SH3PXD2A: variants seen among roughly 807,000 people sequenced by gnomAD.
SH3PXD2A encodes SH3 and PX domain-containing protein 2A.
SH3PXD2A carries 32 observed loss-of-function variants against 115.2 expected under a neutral mutation model. The ratio of observed to expected loss-of-function variants is 0.28; its 90% CI spans 0.21 to 0.37. The LOEUF is 0.37. Ranked by LOEUF, SH3PXD2A falls within the 10% of genes least tolerant of loss-of-function variation. SH3PXD2A has a pLI of 1.00. For missense variants in SH3PXD2A, 1,328 were observed against 1,498.7 expected (o/e 0.89, Z 1.88); for synonymous variants, 610 against 629.1 (o/e 0.97, Z 0.45).
rs1453041317 is a variant in SH3PXD2A, at chr10:103,756,240, C to T, written c.229+10854G>A. Among the ~76,000 whole-genome samples the T allele has an allele frequency of 6.6e-6, 1 of 152,130 alleles. No individual in the cohort carries two copies. The highest frequency in any genetic ancestry group is 1.5e-5 in the Non-Finnish European group (1 of 68,018). ...GATACATCAGTTCACACAGGTGATG[C>T]CTAGAGCCAGCTCAGTCCCTGCCAG... is the stretch of plus-strand genomic sequence containing the variant. On this transcript the variant is annotated intron_variant, in intron 3 of 14. Coordinates refer to ENST00000369774, the MANE Select transcript of SH3PXD2A (RefSeq NM_001394015.1). The surrounding 1 kb of genome is among the most constrained non-coding windows in gnomAD (Gnocchi z 4.4).
Position 103,605,804 on chromosome 10 carries a change from C to T in SH3PXD2A, c.1422G>A (p.Lys474=), listed in dbSNP as rs1420755301. Residue 474 remains lysine (K), a synonymous_variant, in exon 14 of 15, where the codon AAG becomes AAA. Coordinates refer to ENST00000369774, the MANE Select transcript of SH3PXD2A (RefSeq NM_001394015.1). ...SDGISFRGGQ[K]AEVIDKNSGG... ...CTCATGGCCCAAGGCTTACCTCTGC[C>T]TTCTGTCCACCCCGAAAGCTGATGC... is the stretch of plus-strand genomic sequence containing the variant. The T allele has an allele frequency of 6.2e-7, 1 of 1,614,160 alleles. No homozygotes were observed. The highest frequency in any genetic ancestry group is 8.5e-7 in the Non-Finnish European group (1 of 1,179,974).
At chr10:103,688,892 G>A (rs1019590139) in intron 6 of SH3PXD2A, among the ~76,000 whole-genome samples, 2 of 151,810 alleles carry the variant, frequency 1.3e-5, no homozygotes, top group Non-Finnish European at 2.9e-5. Flanking sequence ...TTAGAGATAG[G>A]GTCTCTCTCT....
chr10:103,606,683 G>C (rs11191744), intron 13 of SH3PXD2A, among the ~76,000 whole-genome samples: 1 of 152,108 alleles, frequency 6.6e-6, no homozygotes, highest in East Asian at 1.9e-4. Flanking sequence ...TTTTGGTGGA[G>C]ACGGGGTTTC....
rs892664857 is a variant in SH3PXD2A at position 103,601,708 on chromosome 10, C to T, written c.*108G>A. The T allele has an allele frequency of 3.5e-5, 6 of 173,326 alleles. No homozygotes were observed. Among genetic ancestry groups the T allele is most frequent in the Non-Finnish European group, 7.1e-5 (6 of 84,160 alleles). 10.7% of individuals were successfully genotyped at this position (173,326 alleles called of 1,614,324 possible). Reference sequence around the variant, plus strand: ...ATTCTGCAGTGTTGAATGTTGTCCACCCCCCACCCCCCACCCCCATTTTTT... The same window carrying T: ...ATTCTGCAGTGTTGAATGTTGTCCATCCCCCACCCCCCACCCCCATTTTTT... On this transcript the variant is annotated 3_prime_UTR_variant, in exon 15 of 15. Transcript: ENST00000369774.
At chr10:103,785,884 C>G (rs1052882512) in intron 2 of SH3PXD2A, among the ~76,000 whole-genome samples, 1 of 151,284 alleles carries the variant, frequency 6.6e-6, no homozygotes, top group Non-Finnish European at 1.5e-5. Flanking sequence ...AGAATCAGGG[C>G]GAGAGAAAAA....
intron 2 of SH3PXD2A, among the ~76,000 whole-genome samples, chr10:103,793,140 T>G (rs2039051753): frequency 6.6e-6 from 1 of 152,234 alleles, no homozygotes; most frequent in Non-Finnish European, 1.5e-5. Context: ...TATGAATGCA[T>G]TCTCCTTTTC....
At chr10:103,739,212 C>T (rs2038415868) in intron 3 of SH3PXD2A, among the ~76,000 whole-genome samples, 1 of 152,204 alleles carries the variant, frequency 6.6e-6, no homozygotes, top group African/African-American at 2.4e-5. Context: ...CAGGACCCCG[C>T]CCTGCCCTCC....
chr10:103,785,689 C>A (rs2038973938), intron 2 of SH3PXD2A, among the ~76,000 whole-genome samples: 1 of 152,096 alleles, frequency 6.6e-6, no homozygotes, highest in South Asian at 2.1e-4. Context: ...GCTGCCTCCC[C>A]ATCCCCACAG....
chr10:103,622,458 T>C lies in SH3PXD2A; in HGVS notation c.802+12A>G. The C allele has an allele frequency of 6.5e-7, 1 of 1,537,222 alleles. No homozygotes were observed. Among genetic ancestry groups the C allele is most frequent in the Non-Finnish European group, 8.8e-7 (1 of 1,135,494 alleles). On this transcript the variant is annotated intron_variant, in intron 10 of 14. Transcript: ENST00000369774. Reference sequence around the variant, plus strand: ...TCGCTGCGAGGGAGGAGAAGCCAGCTCCCGCAGTCACCTCGGCTGTGCTGC... The same window carrying C: ...TCGCTGCGAGGGAGGAGAAGCCAGCCCCCGCAGTCACCTCGGCTGTGCTGC...
chr10:103,690,442 A>G (rs890797558), intron 6 of SH3PXD2A, among the ~76,000 whole-genome samples: 2 of 152,146 alleles, frequency 1.3e-5, no homozygotes, highest in African/African-American at 4.8e-5. Flanking sequence ...TGAGAGTCCA[A>G]AATGTGATGG....
chr10:103,604,829 C>T (rs1416017359), intron 14 of SH3PXD2A, among the ~76,000 whole-genome samples: 1 of 152,214 alleles, frequency 6.6e-6, no homozygotes, highest in East Asian at 1.9e-4. Context: ...ATGCTCTTTA[C>T]AGACTCTCCT....
chr10:103,851,711 G>A (rs1342043774), intron 1 of SH3PXD2A, among the ~76,000 whole-genome samples: 3 of 152,164 alleles, frequency 2.0e-5, no homozygotes, highest in African/African-American at 7.2e-5. Flanking sequence ...ACGAAAACAC[G>A]AGTGTTAAGT....
At chr10:103,678,155 T>C (rs2037564120) in intron 6 of SH3PXD2A, 1 of 1,288,978 alleles carries the variant, frequency 7.8e-7, no homozygotes, top group African/African-American at 1.5e-5. Context: ...CCCGTTCATG[T>C]GTAATGTCTG....
In SH3PXD2A at chr10:103,709,790, G is replaced by A. The variant is rs547633796; in HGVS notation, c.398+14480C>T. On this transcript the variant is annotated intron_variant, in intron 5 of 14. Transcript: ENST00000369774. Reference sequence around the variant, plus strand: ...ACAACTATACCCACTTCATAGGATGGATGCAAAAATTAGAGAATTAAAACA... The same window carrying A: ...ACAACTATACCCACTTCATAGGATGAATGCAAAAATTAGAGAATTAAAACA... Among the ~76,000 whole-genome samples the A allele has an allele frequency of 9.6e-4, 146 of 152,312 alleles. 1 individual carries two copies. Among genetic ancestry groups the A allele is most frequent in the African/African-American group, 3.3e-3 (139 of 41,572 alleles).
chr10:103,711,714 G>A (rs753469573), intron 5 of SH3PXD2A, among the ~76,000 whole-genome samples: 22 of 152,302 alleles, frequency 1.4e-4, no homozygotes, highest in African/African-American at 5.3e-4. Context: ...GCAGAGGGAA[G>A]GGATACCAAC....
At chr10:103,745,753 C>T (rs1336293891) in intron 3 of SH3PXD2A, among the ~76,000 whole-genome samples, 1 of 152,208 alleles carries the variant, frequency 6.6e-6, no homozygotes, top group Non-Finnish European at 1.5e-5. Flanking sequence ...CTGCGGCTGC[C>T]CTTCCTGATT....
At chr10:103,780,065 G>A (rs993880069) in intron 2 of SH3PXD2A, among the ~76,000 whole-genome samples, 2 of 152,190 alleles carry the variant, frequency 1.3e-5, no homozygotes, top group Non-Finnish European at 2.9e-5. Flanking sequence ...TACCCCAAGT[G>A]CCCTGGCCAC....
At position 103,791,429 on chromosome 10, in the gene SH3PXD2A, C is replaced by A. The variant is rs979236694; in HGVS notation, c.153+9853G>T. 1.3e-5 allele frequency among the ~76,000 whole-genome samples: 2 copies of A among 152,222 alleles called. 1 individual carries two copies. The highest frequency in any genetic ancestry group is 2.9e-5 in the Non-Finnish European group (2 of 68,046). Reference sequence around the variant, plus strand: ...TGTATAGGAAAGGTGTGATTTCCCACACAGACCCACAGCACGGTGCATATC... The same window carrying A: ...TGTATAGGAAAGGTGTGATTTCCCAAACAGACCCACAGCACGGTGCATATC... On this transcript the variant is annotated intron_variant, in intron 2 of 14. Coordinates refer to ENST00000369774, the MANE Select transcript of SH3PXD2A (RefSeq NM_001394015.1).
chr10:103,630,605 T>C (rs2036764198), intron 8 of SH3PXD2A, among the ~76,000 whole-genome samples: 1 of 151,896 alleles, frequency 6.6e-6, no homozygotes, highest in Non-Finnish European at 1.5e-5. Flanking sequence ...ATTAAGTCAA[T>C]AAAGCAGCAG....
Sources: allele counts gnomAD v4.1 joint callset (sites outside exome capture counted in the v4.1 genomes callset), GRCh38; gene constraint gnomAD v4.1.1; non-coding constraint Gnocchi (gnomAD v3.1); transcripts MANE v1.5; gene names NCBI Gene and HGNC (gene_info 2026-07-23, HGNC 2026-07-21).